NCAM2: variants seen among roughly 807,000 people sequenced by gnomAD.
The protein encoded by NCAM2 is N-CAM-2.
NCAM2 carries 30 observed loss-of-function variants against 98.1 expected under a neutral mutation model. The observed-to-expected ratio is 0.31, with a 90% confidence interval of 0.23 to 0.41. NCAM2 has a LOEUF of 0.41. Ranked by LOEUF, NCAM2 falls within the 10% of genes least tolerant of loss-of-function variation. NCAM2 has a pLI of 1.00. For missense variants in NCAM2, 867 were observed against 1,005.8 expected (o/e 0.86, Z 1.87); for synonymous variants, 368 against 342.4 (o/e 1.07, Z -0.83).
At position 21,107,894 on chromosome 21, in the gene NCAM2, G is replaced by A. The variant is rs186885234; in HGVS notation, c.55+109276G>A. On this transcript the variant is annotated intron_variant, in intron 1 of 17. Coordinates refer to ENST00000400546, the MANE Select transcript of NCAM2 (RefSeq NM_004540.5). ...TTATATATTTTTCTTGTTTAATCCT[G>A]TACCCTTCAGAAGCTTATTTATAAA... 7.4e-4 allele frequency among the ~76,000 whole-genome samples: 113 copies of A among 152,004 alleles called. 1 individual carries two copies. The East Asian group carries it at 0.019, about 26-fold the overall frequency.
Position 21,048,240 on chromosome 21 carries a change from C to A in NCAM2, c.55+49622C>A, listed in dbSNP as rs1427237645. Among the ~76,000 whole-genome samples, 3 of 152,184 alleles carry A rather than the reference C, an allele frequency of 2.0e-5. No homozygotes were observed. The East Asian group carries it at 5.8e-4, about 29-fold the overall frequency. ...TTATCTTAACCTAAACATTTCATTT[C>A]TATTAATCCCAGGTCTTCAGATAAA... On this transcript the variant is annotated intron_variant, in intron 1 of 17. Coordinates refer to ENST00000400546, the MANE Select transcript of NCAM2 (RefSeq NM_004540.5).
At chr21:21,311,335 ATTTTTTTT>A (rs57458011) in intron 5 of NCAM2, among the ~76,000 whole-genome samples, 1 of 108,618 alleles carries the variant, frequency 9.2e-6, no homozygotes, top group Non-Finnish European at 1.8e-5. Flanking sequence ...AATATGGGGC[ATTTTTTTT>A]TTTTTTTTTT....
chr21:21,239,451 C>T (rs932702205), intron 1 of NCAM2: 2 of 152,146 alleles, frequency 1.3e-5, no homozygotes, highest in African/African-American at 4.8e-5. Context: ...TAAAAATTAT[C>T]TCCCTTTAAA....
At chr21:21,468,582 A>G in intron 13 of NCAM2, 80 bp from the exon 14 acceptor site, 2 of 1,368,996 alleles carry the variant, frequency 1.5e-6, no homozygotes, top group South Asian at 1.5e-5. Context: ...TGATTACATT[A>G]CTGTTCTTTT....
At chr21:21,469,439 A>T (rs1325474923) in intron 14 of NCAM2, among the ~76,000 whole-genome samples, 1 of 152,004 alleles carries the variant, frequency 6.6e-6, no homozygotes, top group African/African-American at 2.4e-5. Context: ...AATTTCTTCA[A>T]CATTTTTTTC....
intron 1 of NCAM2, among the ~76,000 whole-genome samples, chr21:21,231,191 G>C (rs148527334): frequency 3.3e-5 from 5 of 151,366 alleles, no homozygotes; most frequent in African/African-American, 1.2e-4. Flanking sequence ...AAGCTATAGA[G>C]CTGATTTAGT....
rs529218898 is a variant in NCAM2 at position 21,418,838 on chromosome 21, A to G, written c.1480+269A>G. 3.3e-5 allele frequency among the ~76,000 whole-genome samples: 5 copies of G among 152,278 alleles called. No individual in the cohort carries two copies. The East Asian group carries it at 9.7e-4, about 29-fold the overall frequency. ...TACGGTAGGGCTATAATAGTTCACA[A>G]TAAGTTATTGCATATTTCAAAGTAG... On this transcript the variant is annotated intron_variant, in intron 11 of 17. Coordinates refer to ENST00000400546, the MANE Select transcript of NCAM2 (RefSeq NM_004540.5).
chr21:21,387,437 C>G (rs1170024966), intron 9 of NCAM2, among the ~76,000 whole-genome samples: 1 of 151,760 alleles, frequency 6.6e-6, no homozygotes, highest in Non-Finnish European at 1.5e-5. Context: ...ATGGATAGGA[C>G]AAGTACAGAA....
At chr21:21,237,616 T>C (rs1000464686) in intron 1 of NCAM2, among the ~76,000 whole-genome samples, 8 of 152,164 alleles carry the variant, frequency 5.3e-5, no homozygotes, top group Non-Finnish European at 1.0e-4. Context: ...TTCCCTCTTA[T>C]GAAAGCACAT....
chr21:21,058,471 A>T (rs1601234726), intron 1 of NCAM2, among the ~76,000 whole-genome samples: 1 of 152,126 alleles, frequency 6.6e-6, no homozygotes, highest in East Asian at 1.9e-4. Flanking sequence ...TGTGTTAAAG[A>T]TTATTACCAA....
intron 1 of NCAM2, among the ~76,000 whole-genome samples, chr21:21,033,899 G>A (rs563608361): frequency 3.0e-4 from 45 of 152,144 alleles, no homozygotes; most frequent in Non-Finnish European, 4.7e-4. Flanking sequence ...ATAGTCATCC[G>A]AAAGTATGTC....
At chr21:21,494,390 G>C (rs943602803) in intron 15 of NCAM2, among the ~76,000 whole-genome samples, 5 of 151,558 alleles carry the variant, frequency 3.3e-5, no homozygotes, top group African/African-American at 1.2e-4. Context: ...AATAAAATTG[G>C]TCAGGTGGGG....
At chr21:21,229,557 A>G (rs749990752) in intron 1 of NCAM2, among the ~76,000 whole-genome samples, 1 of 151,674 alleles carries the variant, frequency 6.6e-6, no homozygotes, top group African/African-American at 2.4e-5. Context: ...AGACACATAG[A>G]GTCAAGAATG....
intron 17 of NCAM2, among the ~76,000 whole-genome samples, chr21:21,535,254 T>C (rs180705080): frequency 9.1e-4 from 139 of 152,226 alleles, no homozygotes; most frequent in African/African-American, 3.2e-3. Context: ...CCTAGATTCA[T>C]GCACAGAATA....
intron 1 of NCAM2, among the ~76,000 whole-genome samples, chr21:21,249,455 C>T (rs544987316): frequency 3.3e-5 from 5 of 152,188 alleles, no homozygotes; most frequent in East Asian, 1.9e-4. Context: ...GCAGTTAGTT[C>T]GAGCTCATCA....
chr21:21,258,726 C>T (rs541444081), intron 1 of NCAM2, among the ~76,000 whole-genome samples: 17 of 152,204 alleles, frequency 1.1e-4, no homozygotes, highest in African/African-American at 4.1e-4. Flanking sequence ...GGCCACTGCC[C>T]TCCCCAGGGA....
At chr21:21,072,114 G>A (rs141347219) in intron 1 of NCAM2, among the ~76,000 whole-genome samples, 24 of 152,144 alleles carry the variant, frequency 1.6e-4, no homozygotes, top group Admixed American at 5.9e-4. Context: ...GGAGTTCACC[G>A]TGTTAGCCAG....
chr21:21,343,844 G>A (rs566929395), intron 8 of NCAM2, among the ~76,000 whole-genome samples: 8 of 152,226 alleles, frequency 5.3e-5, no homozygotes, highest in South Asian at 2.1e-4. Context: ...GAGTCCTAGC[G>A]CTGAACTGGG....
chr21:21,365,170 C>T (rs544919317), intron 8 of NCAM2, among the ~76,000 whole-genome samples: 2 of 152,054 alleles, frequency 1.3e-5, no homozygotes, highest in Admixed American at 1.3e-4. Context: ...TTCACACACA[C>T]ACAGAGAAAT....
Sources: allele counts gnomAD v4.1 joint callset (sites outside exome capture counted in the v4.1 genomes callset), GRCh38; gene constraint gnomAD v4.1.1; transcripts MANE v1.5; gene names NCBI Gene and HGNC (gene_info 2026-07-23, HGNC 2026-07-21).